The following ARRB1 variants were observed in gnomAD, a reference collection of about 807,000 sequenced individuals.
ARRB1 encodes beta-arrestin-1.
A neutral mutation model predicts 56.8 loss-of-function variants in ARRB1; 21 were observed. The ratio of observed to expected loss-of-function variants is 0.37; its 90% CI spans 0.26 to 0.53. ARRB1 has a LOEUF of 0.53. Among genes scored for constraint, ARRB1 ranks in the 20% least tolerant of loss-of-function variants. The probability of loss-of-function intolerance (pLI) is 0.88; values close to 1 mark genes in which losing one functional copy is unlikely to be tolerated. For missense variants in ARRB1, 424 were observed against 553.7 expected, an observed-to-expected ratio of 0.77 and a Z score of 2.35; for synonymous variants, 210 against 218.6, an observed-to-expected ratio of 0.96 and a Z score of 0.35.
At chr11:75,297,310 C>A (rs1946774632) in intron 1 of ARRB1, among the ~76,000 whole-genome samples, 1 of 151,376 alleles carries the variant, frequency 6.6e-6, no homozygotes, top group South Asian at 2.1e-4. Context: ...ACTCACACTT[C>A]CCATTTTCAA....
chr11:75,344,891 G>A (rs995280270), intron 1 of ARRB1, among the ~76,000 whole-genome samples: 3 of 152,188 alleles, frequency 2.0e-5, no homozygotes. Context: ...TACAGGCCCA[G>A]GGCCAGCATG....
intron 1 of ARRB1, among the ~76,000 whole-genome samples, chr11:75,342,666 A>G (rs1947708425): frequency 6.6e-6 from 1 of 152,146 alleles, no homozygotes; most frequent in South Asian, 2.1e-4. Context: ...CACACCCGGG[A>G]AAGGCTCAGT....
intron 7 of ARRB1, among the ~76,000 whole-genome samples, chr11:75,279,576 C>A (rs1946282408): frequency 6.6e-6 from 1 of 152,140 alleles, no homozygotes; most frequent in South Asian, 2.1e-4. Context: ...ACTATGTGGC[C>A]CTGGGTACAT....
rs775029885 is a variant in ARRB1 at position 75,262,144 on chromosome 11, C to G, written c.*4019G>C. The G allele has an allele frequency of 1.1e-4, 16 of 152,356 alleles. No homozygotes were observed. The highest frequency in any genetic ancestry group is 1.9e-4 in the Non-Finnish European group (13 of 68,042). The allele number at this position is 152,356 out of a possible 1,614,324, so 9.4% of individuals were successfully genotyped here. On this transcript the variant is annotated 3_prime_UTR_variant, in exon 16 of 16. Transcript: ENST00000420843. ...GGCCTTACACTTTGAAGGGAAGGAA[C>G]AGACAATTTCTATTTCTCCTTGCCC...
chr11:75,324,107 T>G (rs1403012252), intron 1 of ARRB1, among the ~76,000 whole-genome samples: 1 of 152,122 alleles, frequency 6.6e-6, no homozygotes, highest in Non-Finnish European at 1.5e-5. Context: ...AATGATGAAA[T>G]TCTGGATGAT....
At position 75,289,292 on chromosome 11, in the gene ARRB1, T is replaced by G. The variant is rs34643883; in HGVS notation, c.51+717A>C. 3.5e-3 allele frequency among the ~76,000 whole-genome samples: 532 copies of G among 152,358 alleles called. 5 individuals carry two copies. The highest frequency in any genetic ancestry group is 8.7e-3 in the South Asian group (42 of 4,828). On this transcript the variant is annotated intron_variant, in intron 2 of 15. Transcript: ENST00000420843. ...CCACAGTTCCTATGCTTTTATGTCC[T>G]GCCTACAATGCTGTTTTCACCTTGC... is the stretch of plus-strand genomic sequence containing the variant.
At chr11:75,273,072 C>A (rs1946106988) in intron 11 of ARRB1, 94 bp from the exon 12 acceptor site, 2 of 1,048,794 alleles carry the variant, frequency 1.9e-6, no homozygotes, top group East Asian at 5.1e-5. Flanking sequence ...GGCCGTCCAT[C>A]CCCCATCTGG....
chr11:75,344,465 T>A (rs1361900529), intron 1 of ARRB1, among the ~76,000 whole-genome samples: 1 of 152,154 alleles, frequency 6.6e-6, no homozygotes, highest in Non-Finnish European at 1.5e-5. Context: ...CTGGGACCAT[T>A]CTGAGATGGT....
At chr11:75,270,072 C>T (rs1169387813) in intron 13 of ARRB1, among the ~76,000 whole-genome samples, 1 of 152,250 alleles carries the variant, frequency 6.6e-6, no homozygotes, top group Non-Finnish European at 1.5e-5. Context: ...GCCTCGCCAC[C>T]CGCTGGTGCA....
intron 1 of ARRB1, among the ~76,000 whole-genome samples, chr11:75,294,160 G>A (rs990581882): frequency 6.6e-6 from 1 of 152,154 alleles, no homozygotes; most frequent in Non-Finnish European, 1.5e-5. Context: ...ATCTAGGTCT[G>A]TCATGTAGTC....
intron 4 of ARRB1, 29 bp from the exon 5 acceptor site, chr11:75,283,512 G>C: frequency 6.4e-7 from 1 of 1,565,912 alleles, no homozygotes; most frequent in Non-Finnish European, 8.7e-7. Context: ...ACTGAGGAGG[G>C]GCCTGGGAGA....
intron 1 of ARRB1, among the ~76,000 whole-genome samples, chr11:75,310,904 C>A (rs920574313): frequency 2.0e-5 from 3 of 152,220 alleles, no homozygotes; most frequent in African/African-American, 7.2e-5. Context: ...CTTTGCCACA[C>A]TGCCTCTGTC....
intron 9 of ARRB1, 57 bp from the exon 10 acceptor site, chr11:75,276,968 C>CT: frequency 6.5e-7 from 1 of 1,542,492 alleles, no homozygotes; most frequent in Non-Finnish European, 8.9e-7. Flanking sequence ...CCCATGGAGT[C>CT]TCACAGGCGT....
In ARRB1 at chr11:75,302,072, A is replaced by T. The variant is rs575891959; in HGVS notation, c.21-12033T>A. ...GACTCGCTAGTGTGCCCAGAGTCAG[A>T]CTGGGATGGGGACCGCCGGCTTCTG... On this transcript the variant is annotated intron_variant, in intron 1 of 15. Coordinates refer to ENST00000420843, the MANE Select transcript of ARRB1 (RefSeq NM_004041.5). Among the ~76,000 whole-genome samples, 16 of 152,292 alleles carry T rather than the reference A, an allele frequency of 1.1e-4. No homozygotes were observed. In the South Asian group the frequency reaches 3.1e-3, roughly 30 times the overall value.
At position 75,330,486 on chromosome 11, in the gene ARRB1, C is replaced by T. The variant is rs114712814; in HGVS notation, c.20+21102G>A. On this transcript the variant is annotated intron_variant, in intron 1 of 15. Coordinates refer to ENST00000420843, the MANE Select transcript of ARRB1 (RefSeq NM_004041.5). ...TGTAAATGTTTATGCCAAGCCCAGC[C>T]TCCTAAGGACAAGTTATTTGCTTTG... is the stretch of plus-strand genomic sequence containing the variant. 3.3e-3 allele frequency among the ~76,000 whole-genome samples: 504 copies of T among 152,306 alleles called. 4 individuals are homozygous for T. The highest frequency in any genetic ancestry group is 0.011 in the African/African-American group (465 of 41,562).
At position 75,308,128 on chromosome 11, in the gene ARRB1, A is replaced by G. The variant is rs114301297; in HGVS notation, c.21-18089T>C. Among the ~76,000 whole-genome samples the G allele has an allele frequency of 3.0e-3, 455 of 152,378 alleles. 1 individual carries two copies. The highest frequency in any genetic ancestry group is 0.01 in the African/African-American group (431 of 41,594). On this transcript the variant is annotated intron_variant, in intron 1 of 15. Transcript: ENST00000420843. ...TGCCAGCCCTGAGCCCGGCCCAAGC[A>G]ACTTCCACAGTCATCTTTCCTACTC...
intron 7 of ARRB1, among the ~76,000 whole-genome samples, chr11:75,280,209 C>A (rs1946294721): frequency 6.6e-6 from 1 of 152,184 alleles, no homozygotes; most frequent in Admixed American, 6.5e-5. Flanking sequence ...CAGCACCCTT[C>A]CTCTTCCCTG....
intron 1 of ARRB1, among the ~76,000 whole-genome samples, chr11:75,348,512 A>G (rs1947805045): frequency 6.6e-6 from 1 of 152,080 alleles, no homozygotes; most frequent in Non-Finnish European, 1.5e-5. Flanking sequence ...ACTCATCAAC[A>G]TTTGTTGAAT....
intron 1 of ARRB1, 87 bp from the exon 2 acceptor site, chr11:75,290,126 G>C (rs1035060359): frequency 1.4e-5 from 22 of 1,552,544 alleles, no homozygotes; most frequent in Middle Eastern, 3.5e-4. Flanking sequence ...CAGGACTGGG[G>C]ACCAGGGCTG....
Sources: gnomAD v4.1 joint callset for allele counts (sites outside exome capture counted in the v4.1 genomes callset) on GRCh38, gnomAD v4.1.1 for gene constraint, MANE v1.5 for transcripts, NCBI Gene and HGNC (gene_info 2026-07-23, HGNC 2026-07-21) for gene names.